The following SBF2 variants were observed in gnomAD, a reference collection of about 807,000 sequenced individuals.
The protein encoded by SBF2 is myotubularin-related protein 13.
A neutral mutation model predicts 225.2 loss-of-function variants in SBF2; 112 were observed. The observed-to-expected ratio is 0.50, with a 90% CI of 0.43 to 0.58. The LOEUF (loss-of-function observed/expected upper bound fraction) is 0.58, where lower values mean the gene tolerates loss of function less well. SBF2 is among the 20% of genes least tolerant of loss of function. The probability of loss-of-function intolerance (pLI) is 0.00; values close to 1 mark genes in which losing one functional copy is unlikely to be tolerated. For missense variants in SBF2, 1,996 were observed against 2,206.2 expected (o/e 0.90, Z 1.91); for synonymous variants, 763 against 773.3 (o/e 0.99, Z 0.22).
intron 13 of SBF2, among the ~76,000 whole-genome samples, chr11:9,977,288 A>T (rs1279490785): frequency 6.6e-6 from 1 of 152,082 alleles, no homozygotes; most frequent in Non-Finnish European, 1.5e-5. Flanking sequence ...GTTCAAGACC[A>T]TCCTGGGCAA....
At chr11:9,965,449 C>G (rs566896330) in intron 14 of SBF2, among the ~76,000 whole-genome samples, 1 of 152,000 alleles carries the variant, frequency 6.6e-6, no homozygotes, top group African/African-American at 2.4e-5. Context: ...CCACCACACC[C>G]GGCTAATTTC....
At chr11:10,132,178 T>C (rs1052657000) in intron 2 of SBF2, among the ~76,000 whole-genome samples, 3 of 152,204 alleles carry the variant, frequency 2.0e-5, no homozygotes, top group African/African-American at 7.2e-5. Flanking sequence ...TGTAATTGGA[T>C]AGGCTATTTC....
intron 16 of SBF2, chr11:9,959,811 G>T (rs898498994): frequency 5.0e-6 from 3 of 599,352 alleles, no homozygotes; most frequent in Non-Finnish European, 9.8e-6. Context: ...TGGGCACTGA[G>T]CAGGCGGGTA....
intron 3 of SBF2, among the ~76,000 whole-genome samples, chr11:10,038,152 T>C (rs1217161079): frequency 6.6e-6 from 1 of 151,982 alleles, no homozygotes; most frequent in East Asian, 1.9e-4. Flanking sequence ...TATAGCACAC[T>C]GATACAATTT....
intron 2 of SBF2, among the ~76,000 whole-genome samples, chr11:10,187,262 C>T (rs992316682): frequency 2.6e-5 from 4 of 151,996 alleles, no homozygotes; most frequent in Non-Finnish European, 5.9e-5. Flanking sequence ...TTTAATTATT[C>T]TCTTTTTCCT....
At chr11:9,848,923 G>A (rs998461347) in intron 22 of SBF2, among the ~76,000 whole-genome samples, 4 of 152,322 alleles carry the variant, frequency 2.6e-5, no homozygotes, top group East Asian at 1.9e-4. Flanking sequence ...TAATGCAACT[G>A]TTAAGATTTA....
intron 2 of SBF2, among the ~76,000 whole-genome samples, chr11:10,113,160 A>AT (rs1404896997): frequency 1.3e-5 from 2 of 151,644 alleles, no homozygotes; most frequent in Non-Finnish European, 2.9e-5. Flanking sequence ...CATCTGGCTG[A>AT]TTTTTTAATT....
At chr11:9,799,813 C>T (rs1282358457) in intron 32 of SBF2, among the ~76,000 whole-genome samples, 1 of 152,234 alleles carries the variant, frequency 6.6e-6, no homozygotes, top group Non-Finnish European at 1.5e-5. Context: ...TTCTTTTCCT[C>T]TTTGCAAATG....
At chr11:10,038,438 T>C (rs1328078536) in intron 3 of SBF2, among the ~76,000 whole-genome samples, 1 of 152,052 alleles carries the variant, frequency 6.6e-6, no homozygotes, top group Non-Finnish European at 1.5e-5. Context: ...AAGCTTTTTG[T>C]TTGAATTGTC....
At chr11:9,959,979 T>G (rs1866456846) in intron 16 of SBF2, 1 of 302,794 alleles carries the variant, frequency 3.3e-6, no homozygotes, top group South Asian at 3.3e-5. Context: ...AAAATACTGA[T>G]TTGTAGGGTT....
At chr11:10,053,328 C>A (rs984305912) in intron 2 of SBF2, among the ~76,000 whole-genome samples, 1 of 152,018 alleles carries the variant, frequency 6.6e-6, no homozygotes, top group Non-Finnish European at 1.5e-5. Context: ...AGAGCATGCA[C>A]AAGTTGAGCA....
At chr11:9,912,808 T>C (rs7130923) in intron 16 of SBF2, among the ~76,000 whole-genome samples, 80,976 of 152,118 alleles carry the variant, frequency 0.53, 22,143 homozygotes, top group African/African-American at 0.63. Flanking sequence ...CCACTGTCAA[T>C]TTAAAAATTT....
At position 10,294,179 on chromosome 11, in the gene SBF2, C is replaced by A; in HGVS notation, c.-110G>T. The A allele has an allele frequency of 1.2e-6, 1 of 829,778 alleles. No homozygotes were observed. Among genetic ancestry groups the A allele is most frequent in the Non-Finnish European group, 1.6e-6 (1 of 617,334 alleles). 51.4% of individuals were successfully genotyped at this position (829,778 alleles called of 1,614,324 possible). A position where few individuals can be genotyped will look rare whatever the true frequency, so the allele number is the denominator to read the frequency against. ...TTCCCTGCAGCGGCAGTAGCGGCAG[C>A]GGCAGCGCTTCAGCCATGTTTGACA... On this transcript the variant is annotated 5_prime_UTR_variant, in exon 1 of 40. Transcript: ENST00000256190.
chr11:9,812,771 C>T, intron 29 of SBF2, 63 bp from the exon 30 acceptor site: 10 of 1,544,534 alleles, frequency 6.5e-6, no homozygotes, highest in Non-Finnish European at 8.9e-6. Context: ...GTGATGTTTC[C>T]AATGGGGCAG....
chr11:9,964,842 G>GCCATAA (rs961785151), intron 14 of SBF2, among the ~76,000 whole-genome samples: 4 of 152,106 alleles, frequency 2.6e-5, no homozygotes, highest in Non-Finnish European at 5.9e-5. Flanking sequence ...ACTATACTAT[G>GCCATAA]CCATTTGTTT....
intron 16 of SBF2, among the ~76,000 whole-genome samples, chr11:9,941,663 A>G (rs1865259119): frequency 6.6e-6 from 1 of 152,234 alleles, no homozygotes; most frequent in Admixed American, 6.5e-5. Context: ...GGACTTAATA[A>G]CCTGATAGCA....
chr11:10,136,778 T>A (rs1954376580), intron 2 of SBF2, among the ~76,000 whole-genome samples: 1 of 152,256 alleles, frequency 6.6e-6, no homozygotes, highest in Non-Finnish European at 1.5e-5. Context: ...GGAACACCCA[T>A]GCATTTGATA....
At chr11:9,902,355 A>G (rs1861786298) in intron 16 of SBF2, among the ~76,000 whole-genome samples, 1 of 152,208 alleles carries the variant, frequency 6.6e-6, no homozygotes, top group Non-Finnish European at 1.5e-5. Context: ...TCTTTCAATC[A>G]GTAGCCAATC....
At chr11:9,958,716 T>C in intron 16 of SBF2, 1 of 381,072 alleles carries the variant, frequency 2.6e-6, no homozygotes, top group African/African-American at 2.1e-5. Context: ...AGGAGGGGCT[T>C]GACAGCTGGA....
Sources: gnomAD v4.1 joint callset for allele counts (sites outside exome capture counted in the v4.1 genomes callset) on GRCh38, gnomAD v4.1.1 for gene constraint, MANE v1.5 for transcripts, NCBI Gene and HGNC (gene_info 2026-07-23, HGNC 2026-07-21) for gene names.